ANKRD46: variants seen among roughly 807,000 people sequenced by gnomAD.
ANKRD46 encodes ankyrin repeat domain-containing protein 46.
ANKRD46 carries 13 observed loss-of-function variants against 19.8 expected under a neutral mutation model. The observed-to-expected ratio is 0.66, with a 90% confidence interval of 0.43 to 1.04. ANKRD46 has a LOEUF of 1.04. ANKRD46 is among the 50% of genes least tolerant of loss of function. The pLI, the probability that ANKRD46 is intolerant of heterozygous loss-of-function variation, is 0.00. For missense variants in ANKRD46, 185 were observed against 274.8 expected (o/e 0.67, Z 2.31); for synonymous variants, 91 against 106.9 (o/e 0.85, Z 0.92).
rs568685428 is a variant in ANKRD46 at position 100,545,238 on chromosome 8, T to C, written c.-130-11927A>G. Among the ~76,000 whole-genome samples the C allele has an allele frequency of 6.6e-6, 1 of 151,984 alleles. No individual in the cohort carries two copies. The highest frequency in any genetic ancestry group is 1.5e-5 in the Non-Finnish European group (1 of 67,982). ...TACTCGGGAGGCTGAGGTGGGAGGA[T>C]AGTGATTTAATTTGGCTTTGTGTCC... On this transcript the variant is annotated intron_variant, in intron 1 of 4. Transcript: ENST00000335659. The surrounding 1 kb of genome is among the most constrained non-coding windows in gnomAD (Gnocchi z 4.7).
rs1811978627 is a variant in ANKRD46 at position 100,532,241 on chromosome 8, G to A, written c.-28+968C>T. On this transcript the variant is annotated intron_variant, in intron 2 of 4. Coordinates refer to ENST00000335659, the MANE Select transcript of ANKRD46 (RefSeq NM_001270377.2). The surrounding 1 kb of genome is among the most constrained non-coding windows in gnomAD (Gnocchi z 4.7). Reference sequence around the variant, plus strand: ...AGTACTTTGGAAGGCCAAAATGGGAGGATAGCTTGAAGCCCAGGAGTTCGA... The same window carrying A: ...AGTACTTTGGAAGGCCAAAATGGGAAGATAGCTTGAAGCCCAGGAGTTCGA... The A allele has an allele frequency of 6.6e-6, 1 of 152,194 alleles. No homozygotes were observed. The highest frequency in any genetic ancestry group is 1.5e-5 in the Non-Finnish European group (1 of 68,042). The allele number at this position is 152,194 out of a possible 1,614,324, so 9.4% of individuals were successfully genotyped here. A position where few individuals can be genotyped will look rare whatever the true frequency, so the allele number is the denominator to read the frequency against.
chr8:100,528,324 T>C (rs2130654994), intron 3 of ANKRD46, among the ~76,000 whole-genome samples: 1 of 152,280 alleles, frequency 6.6e-6, no homozygotes, highest in South Asian at 2.1e-4. Flanking sequence ...ACTGAATGTC[T>C]CCTCAACAGC....
downstream of ANKRD46, among the ~76,000 whole-genome samples, chr8:100,517,462 A>G (rs10102516): frequency 0.015 from 2,307 of 152,376 alleles, 26 homozygotes; most frequent in Non-Finnish European, 0.026. Flanking sequence ...AAATACTGTT[A>G]TCAGCTAAGC....
At chr8:100,553,885 G>A (rs1812443589) in intron 1 of ANKRD46, among the ~76,000 whole-genome samples, 1 of 152,200 alleles carries the variant, frequency 6.6e-6, no homozygotes, top group South Asian at 2.1e-4. Flanking sequence ...AGTATCTAAT[G>A]TCATCAAGAC....
intron 1 of ANKRD46, among the ~76,000 whole-genome samples, chr8:100,540,213 T>G (rs1396835475): frequency 2.6e-5 from 4 of 151,400 alleles, no homozygotes; most frequent in Non-Finnish European, 5.9e-5. Context: ...AAAAAGTCAC[T>G]AAGTTTGTTT....
At chr8:100,533,912 C>A (rs1180409651) in intron 1 of ANKRD46, among the ~76,000 whole-genome samples, 1 of 152,204 alleles carries the variant, frequency 6.6e-6, no homozygotes, top group East Asian at 1.9e-4. Context: ...CATAGCCTGA[C>A]GCTGCTCCCC....
intron 1 of ANKRD46, among the ~76,000 whole-genome samples, chr8:100,548,136 C>T (rs2130698438): frequency 6.6e-6 from 1 of 151,776 alleles, no homozygotes; most frequent in Non-Finnish European, 1.5e-5. Context: ...TCCAAAAACA[C>T]AAACCATTTC....
intron 5 of ANKRD46, among the ~76,000 whole-genome samples, chr8:100,512,357 A>G (rs974135858): frequency 6.6e-5 from 10 of 152,234 alleles, no homozygotes; most frequent in African/African-American, 2.4e-4. Context: ...AGAATTAGAA[A>G]TAAGATAGGA....
chr8:100,546,547 G>C lies in ANKRD46; in HGVS notation c.-131+13164C>G, dbSNP rs929913481. Among the ~76,000 whole-genome samples, 3 of 152,240 alleles carry C rather than the reference G, an allele frequency of 2.0e-5. No homozygotes were observed. The highest frequency in any genetic ancestry group is 2.9e-5 in the Non-Finnish European group (2 of 68,040). On this transcript the variant is annotated intron_variant, in intron 1 of 4. Transcript: ENST00000335659. This position sits in a 1 kb window ranked among gnomAD's most constrained non-coding sequence, Gnocchi z 4.0. Reference sequence around the variant, plus strand: ...ATGGAAATTCCTGGATGTCCAGACAGAAGTCTGCTACAGGGGCAGAGCCCT... The same window carrying C: ...ATGGAAATTCCTGGATGTCCAGACACAAGTCTGCTACAGGGGCAGAGCCCT...
chr8:100,544,133 C>A lies in ANKRD46; in HGVS notation c.-130-10822G>T, dbSNP rs545364812. Among the ~76,000 whole-genome samples the A allele has an allele frequency of 6.6e-6, 1 of 152,250 alleles. No individual in the cohort carries two copies. The highest frequency in any genetic ancestry group is 1.5e-5 in the Non-Finnish European group (1 of 68,026). ...AGGAAATATTTCTCATTTATTCTCT[C>A]AATCTCTCCCTCACCCTCCTTTTGG... On this transcript the variant is annotated intron_variant, in intron 1 of 4. Transcript: ENST00000335659. This position sits in a 1 kb window ranked among gnomAD's most constrained non-coding sequence, Gnocchi z 4.4.
At chr8:100,531,330 A>T (rs1447677564) in intron 2 of ANKRD46, among the ~76,000 whole-genome samples, 5 of 152,180 alleles carry the variant, frequency 3.3e-5, no homozygotes, top group Non-Finnish European at 7.4e-5. Context: ...TGGACGCTAG[A>T]CCCATCTATT....
chr8:100,551,370 G>C, intron 1 of ANKRD46: 1 of 589,506 alleles, frequency 1.7e-6, no homozygotes, highest in Non-Finnish European at 3.2e-6. Context: ...GACCCTTTTG[G>C]CTCCCCCATT....
downstream of ANKRD46, among the ~76,000 whole-genome samples, chr8:100,518,342 T>C (rs535648510): frequency 9.3e-4 from 142 of 152,340 alleles, 1 homozygote; most frequent in Middle Eastern, 3.4e-3. Context: ...TATTTCAATA[T>C]GTAAATGCTC....
In ANKRD46 at chr8:100,511,766, G is replaced by A. The variant is rs1811550608; in HGVS notation, c.637-1127C>T. 6.6e-6 allele frequency among the ~76,000 whole-genome samples: 1 copy of A among 152,222 alleles called. No homozygotes were observed. The highest frequency in any genetic ancestry group is 2.4e-5 in the African/African-American group (1 of 41,452). ...CGGCTGGGCATGGTGGCTCACGCCT[G>A]TAATCCCAGCACTTTGGGAGGTCAA... On this transcript the variant is annotated intron_variant, in intron 5 of 5. Coordinates refer to the ANKRD46 transcript ENST00000520552. This position sits in a 1 kb window ranked among gnomAD's most constrained non-coding sequence, Gnocchi z 4.1.
intron 5 of ANKRD46, among the ~76,000 whole-genome samples, chr8:100,512,052 A>G (rs527432081): frequency 6.6e-6 from 1 of 152,282 alleles, no homozygotes; most frequent in African/African-American, 2.4e-5. Flanking sequence ...GACAATAAAG[A>G]ATTTCAATCA....
At position 100,520,927 on chromosome 8, in the gene ANKRD46, A is replaced by C. The variant is rs1392429225; in HGVS notation, c.*1628T>G. On this transcript the variant is annotated 3_prime_UTR_variant, in exon 5 of 5. Coordinates refer to ENST00000335659, the MANE Select transcript of ANKRD46 (RefSeq NM_001270377.2). ...ATTTTGCATATTTGTTTAGATTTAC[A>C]AACAAATGTAAAGCTAATTCCAAAG... 2.0e-6 allele frequency: 2 copies of C among 984,884 alleles called. No individual in the cohort carries two copies. Among genetic ancestry groups the C allele is most frequent in the Non-Finnish European group, 2.4e-6 (2 of 829,566 alleles). 61.0% of individuals were successfully genotyped at this position (984,884 alleles called of 1,614,324 possible). A position where few individuals can be genotyped will look rare whatever the true frequency, so the allele number is the denominator to read the frequency against.
At chr8:100,551,018 C>G (rs942807902) in intron 1 of ANKRD46, 14 of 518,064 alleles carry the variant, frequency 2.7e-5, no homozygotes, top group African/African-American at 2.7e-4. Flanking sequence ...TGCAGAAGGA[C>G]ACGGAAGGCC....
intron 1 of ANKRD46, among the ~76,000 whole-genome samples, chr8:100,542,472 C>T (rs137957826): frequency 2.6e-5 from 4 of 152,138 alleles, no homozygotes; most frequent in African/African-American, 9.6e-5. Flanking sequence ...TCTCTCGCCA[C>T]TGGAAATGTT....
intron 1 of ANKRD46, among the ~76,000 whole-genome samples, chr8:100,556,157 A>G (rs907567520): frequency 6.6e-6 from 1 of 152,166 alleles, no homozygotes; most frequent in African/African-American, 2.4e-5. Context: ...AGTAGCTGGG[A>G]CCACAGGTGT....
Sources: allele counts gnomAD v4.1 joint callset (sites outside exome capture counted in the v4.1 genomes callset), GRCh38; gene constraint gnomAD v4.1.1; non-coding constraint Gnocchi (gnomAD v3.1); transcripts MANE v1.5; gene names NCBI Gene and HGNC (gene_info 2026-07-23, HGNC 2026-07-21).